Variants in BLTP1 observed in about 807,000 individuals in gnomAD.
BLTP1 encodes bridge-like lipid transfer protein family member 1.
At chr4:122,209,085 G>A in the BLTP1 span, 20 of 1,382,526 alleles carry the variant, frequency 1.4e-5, no homozygotes, top group African/African-American at 3.1e-5. Flanking sequence ...TTGTAGACAG[G>A]TTTGCCCGTA....
At chr4:122,164,627 G>T in the BLTP1 span, among the ~76,000 whole-genome samples, 1 of 152,036 alleles carries the variant, frequency 6.6e-6, no homozygotes, top group African/African-American at 2.4e-5. Flanking sequence ...ATTATTTTTT[G>T]GGGTGTGGGG....
the BLTP1 span, among the ~76,000 whole-genome samples, chr4:122,205,247 A>T: frequency 6.6e-6 from 1 of 151,886 alleles, no homozygotes. Flanking sequence ...TTTCCTTAGG[A>T]TATCTTTAAT....
the BLTP1 span, chr4:122,208,627 A>G: frequency 2.0e-6 from 2 of 984,222 alleles, no homozygotes; most frequent in African/African-American, 1.7e-5. Flanking sequence ...CATGGAAGAC[A>G]TTCTTTTCAC....
chr4:122,237,713 C>T, the BLTP1 span: 1 of 478,328 alleles, frequency 2.1e-6, no homozygotes. Context: ...GTCACTTGTG[C>T]TTTTTACACG....
the BLTP1 span, chr4:122,179,955 AT>A: frequency 2.0e-6 from 2 of 985,128 alleles, no homozygotes; most frequent in Non-Finnish European, 2.4e-6. Context: ...ATGTCCCCTC[AT>A]AAACAAGTAT....
At chr4:122,192,094 C>T in the BLTP1 span, 2 of 753,564 alleles carry the variant, frequency 2.7e-6, no homozygotes. Flanking sequence ...GAGAACAACC[C>T]CTTTTAGGTT....
At chr4:122,186,174 A>C in the BLTP1 span, 1 of 1,612,786 alleles carries the variant, frequency 6.2e-7, no homozygotes, top group Non-Finnish European at 8.5e-7. Flanking sequence ...AAAGATGATG[A>C]TAAAACACGG....
the BLTP1 span, among the ~76,000 whole-genome samples, chr4:122,352,180 G>A: frequency 6.6e-6 from 1 of 151,876 alleles, no homozygotes; most frequent in Non-Finnish European, 1.5e-5. Flanking sequence ...TGATTTCTAG[G>A]TCTTCCAGTT....
chr4:122,164,370 C>T, the BLTP1 span: 2 of 980,562 alleles, frequency 2.0e-6, no homozygotes, highest in Non-Finnish European at 2.4e-6. Flanking sequence ...GTAAAACAAA[C>T]AGTATGTGAG....
At chr4:122,355,743 T>A in the BLTP1 span, 1 of 1,522,682 alleles carries the variant, frequency 6.6e-7, no homozygotes, top group Non-Finnish European at 8.9e-7. Context: ...CTATATAGGC[T>A]TGTCAATGCC....
the BLTP1 span, chr4:122,193,628 G>A: frequency 1.3e-6 from 1 of 768,994 alleles, no homozygotes; most frequent in Non-Finnish European, 1.6e-6. Context: ...AAGTTTTTAT[G>A]TACAAAATTA....
chr4:122,271,564 G>T, the BLTP1 span: 63 of 1,613,438 alleles, frequency 3.9e-5, no homozygotes, highest in Non-Finnish European at 5.2e-5. Context: ...TGGATCACAT[G>T]ACTATTCATA....
chr4:122,209,167 T>A, the BLTP1 span: 1 of 1,605,194 alleles, frequency 6.2e-7, no homozygotes. Context: ...AGGGAGAAGA[T>A]GTTGATCTTC....
the BLTP1 span, chr4:122,343,629 T>C: frequency 2.1e-5 from 33 of 1,608,210 alleles, no homozygotes; most frequent in South Asian, 3.5e-4. Context: ...TGCATGTTTA[T>C]GTCTTTTTCA....
At chr4:122,235,171 C>A in the BLTP1 span, 1 of 847,722 alleles carries the variant, frequency 1.2e-6, no homozygotes, top group Non-Finnish European at 1.7e-6. Flanking sequence ...CTTTGTTTTG[C>A]ACATGACTTA....
the BLTP1 span, among the ~76,000 whole-genome samples, chr4:122,352,421 A>G: frequency 7.3e-6 from 1 of 137,512 alleles, no homozygotes; most frequent in Non-Finnish European, 1.5e-5. Context: ...GTGCAGTGGC[A>G]CGATCTCAGC....
chr4:122,263,204 T>G, the BLTP1 span: 1 of 985,102 alleles, frequency 1.0e-6, no homozygotes, highest in Non-Finnish European at 1.2e-6. Context: ...CGAATGTCAA[T>G]GTAGGCATTT....
the BLTP1 span, chr4:122,211,234 TG>T: frequency 1.1e-5 from 8 of 733,808 alleles, no homozygotes; most frequent in South Asian, 1.5e-4. Flanking sequence ...TGACTGGACT[TG>T]GGGTGCTAGA....
At chr4:122,171,822 G>T in the BLTP1 span, 1 of 984,324 alleles carries the variant, frequency 1.0e-6, no homozygotes, top group Non-Finnish European at 1.2e-6. Context: ...ATAACAAGCA[G>T]AAAAACATTG....
Sources: allele counts gnomAD v4.1 joint callset (sites outside exome capture counted in the v4.1 genomes callset), GRCh38; gene constraint gnomAD v4.1.1; transcripts MANE v1.5; gene names NCBI Gene and HGNC (gene_info 2026-07-23, HGNC 2026-07-21).